Variants in RUSF1 observed in about 807,000 individuals in gnomAD.
RUSF1 encodes RUS1 family protein C16orf58.
In RUSF1, 58 loss-of-function variants were observed where a neutral mutation model predicts 63.0. That is an observed-to-expected ratio of 0.92 (90% CI 0.75 to 1.15). RUSF1 has a LOEUF of 1.15. Among genes scored for constraint, RUSF1 ranks in the 50% most tolerant of loss-of-function variants. RUSF1 has a pLI of 0.00. For missense variants in RUSF1, 652 were observed against 611.0 expected, an observed-to-expected ratio of 1.07 and a Z score of -0.71; for synonymous variants, 274 against 255.8, an observed-to-expected ratio of 1.07 and a Z score of -0.68.
In RUSF1 at chr16:31,497,033, GC is replaced by G. The variant is rs1458735113; in HGVS notation, c.601-84del. 3.5e-6 allele frequency: 4 copies of G among 1,155,290 alleles called. No individual in the cohort carries two copies. In the Admixed American group the frequency reaches 8.9e-5, roughly 26 times the overall value. 71.6% of individuals were successfully genotyped at this position (1,155,290 alleles called of 1,614,324 possible). On this transcript the variant is annotated intron_variant, in intron 5 of 12. Transcript: ENST00000327237. ...ACTCAGACCAGCTGGAGAAAACCTG[GC>G]CCCGGCCAAACTCTGAATGCTGTCC... is the stretch of plus-strand genomic sequence containing the variant.
rs1485469475 is a variant in RUSF1, at chr16:31,508,213, C to T, written c.161G>A (p.Gly54Glu). 2 of 1,564,798 alleles carry T rather than the reference C, an allele frequency of 1.3e-6. No homozygotes were observed. The highest frequency in any genetic ancestry group is 1.4e-5 in the African/African-American group (1 of 73,526). Residue 54 changes from glycine (G) to glutamate (E), a missense_variant, in exon 1 of 13, where the codon GGA becomes GAA. By Grantham distance (98) the Gly-to-Glu change is moderately conservative. Coordinates refer to ENST00000327237, the MANE Select transcript of RUSF1 (RefSeq NM_022744.4). Reference sequence around the variant, plus strand: ...AGCCCCCACTTCGCCCGCATCTCGTCCTTCAGGTTTGACCGTGAAGGCCCT... The same window carrying T: ...AGCCCCCACTTCGCCCGCATCTCGTTCTTCAGGTTTGACCGTGAAGGCCCT... ...LSRAFTVKPE[G>E]RDAGEVGASG...
At chr16:31,507,900 G>A in intron 1 of RUSF1, 22 bp from the exon 2 acceptor site, 2 of 1,550,834 alleles carry the variant, frequency 1.3e-6, no homozygotes, top group South Asian at 1.2e-5. Flanking sequence ...AACAAGTAGG[G>A]TGAGAAGCGG....
At chr16:31,494,724 T>C (rs564468059) in intron 6 of RUSF1, among the ~76,000 whole-genome samples, 1 of 152,068 alleles carries the variant, frequency 6.6e-6, no homozygotes, top group South Asian at 2.1e-4. Flanking sequence ...TTTTTTTTTT[T>C]TTAAAGAGCG....
chr16:31,500,791 G>GC, intron 2 of RUSF1, 60 bp from the exon 3 acceptor site: 1 of 1,549,242 alleles, frequency 6.5e-7, no homozygotes, highest in Admixed American at 1.8e-5. Context: ...GTGGGGCCTG[G>GC]CAGACCCTGG....
intron 1 of RUSF1, 21 bp downstream of exon 1, chr16:31,508,053 G>A (rs764917033): frequency 1.3e-6 from 2 of 1,590,592 alleles, no homozygotes; most frequent in Non-Finnish European, 1.7e-6. Context: ...ACTGTCCTCT[G>A]CCCCAGACGA....
In RUSF1 at chr16:31,492,219, C is replaced by A; in HGVS notation, c.1209G>T (p.Glu403Asp). 1 of 1,611,272 alleles carries A rather than the reference C, an allele frequency of 6.2e-7. No homozygotes were observed. Among genetic ancestry groups the A allele is most frequent in the Admixed American group, 1.7e-5 (1 of 59,714 alleles). Residue 403 changes from glutamate to aspartate, a missense_variant, in exon 11 of 13, where the codon GAG becomes GAT. Transcript: ENST00000327237. ...GDGPLPAELE[E>D]LRNRVRAGPK... ...TACCTGCCCGCACCCGGTTCCTCAG[C>A]TCCTCCAGCTCTGCTGGAAGGGGTC...
rs775391662 is a variant in RUSF1 at position 31,493,064 on chromosome 16, C to G, written c.1017-16G>C. ...CTCAAAGACACTGTGGGGGAGAGGA[C>G]AGTGCAGTGGGGGTGGAGGACAGCA... On this transcript the variant is annotated splice_polypyrimidine_tract_variant and intron_variant, in intron 9 of 12. Coordinates refer to ENST00000327237, the MANE Select transcript of RUSF1 (RefSeq NM_022744.4). 1 of 1,613,068 alleles carries G rather than the reference C, an allele frequency of 6.2e-7. No homozygotes were observed.
chr16:31,492,367 A>T (rs765301117), intron 10 of RUSF1, 27 bp from the exon 11 acceptor site: 10 of 1,519,246 alleles, frequency 6.6e-6, no homozygotes, highest in Non-Finnish European at 8.8e-6. Flanking sequence ...ACAGACTGGT[A>T]TCAGGGAAGG....
rs556496305 is a variant in RUSF1, at chr16:31,495,292, A to G, written c.703-1356T>C. Among the ~76,000 whole-genome samples, 3 of 152,204 alleles carry G rather than the reference A, an allele frequency of 2.0e-5. No individual in the cohort carries two copies. In the South Asian group the frequency reaches 6.2e-4, roughly 32 times the overall value. On this transcript the variant is annotated intron_variant, in intron 6 of 12. Transcript: ENST00000327237. ...ACCCGAGACTGGAGAGCTCTTCTCA[A>G]CCAGCCCTCCTGGGAAGGGCATATG...
intron 8 of RUSF1, 37 bp from the exon 9 acceptor site, chr16:31,493,561 G>A: frequency 2.5e-6 from 4 of 1,614,180 alleles, no homozygotes; most frequent in Non-Finnish European, 3.4e-6. Context: ...TAGGCAGTGG[G>A]AGAGGTTGAG....
rs541803174 is a variant in RUSF1 at position 31,495,988 on chromosome 16, A to G, written c.702+861T>C. ...CAGTTTCTAAATTGCTTCAGTGTCAAAGAAAACCATCTCACACTTCTGGGA... is the reference window on the plus strand; with the variant it reads ...CAGTTTCTAAATTGCTTCAGTGTCAGAGAAAACCATCTCACACTTCTGGGA... On this transcript the variant is annotated intron_variant, in intron 6 of 12. Coordinates refer to ENST00000327237, the MANE Select transcript of RUSF1 (RefSeq NM_022744.4). Among the ~76,000 whole-genome samples, 201 of 152,220 alleles carry G rather than the reference A, an allele frequency of 1.3e-3. 5 individuals are homozygous for G. Among genetic ancestry groups the G allele is most frequent in the Non-Finnish European group, 2.8e-4 (19 of 68,042 alleles).
At chr16:31,493,413 G>C (rs2082584312) in intron 9 of RUSF1, 54 bp downstream of exon 9, 1 of 1,545,806 alleles carries the variant, frequency 6.5e-7, no homozygotes, top group African/African-American at 1.4e-5. Context: ...TGTAATCGGA[G>C]TGAGGGGAGT....
intron 3 of RUSF1, 128 bp from the exon 4 acceptor site, chr16:31,499,653 C>G: frequency 1.2e-6 from 1 of 844,824 alleles, no homozygotes; most frequent in Admixed American, 3.0e-5. Context: ...AGACAGACAT[C>G]TGTCCCCACA....
At chr16:31,492,404 A>C in intron 10 of RUSF1, 64 bp from the exon 11 acceptor site, 1 of 1,469,738 alleles carries the variant, frequency 6.8e-7, no homozygotes, top group Non-Finnish European at 9.0e-7. Context: ...CTTCTATCCC[A>C]TCACCCTGCT....
chr16:31,507,129 G>A (rs967347930), intron 2 of RUSF1, among the ~76,000 whole-genome samples: 9 of 152,240 alleles, frequency 5.9e-5, no homozygotes, highest in African/African-American at 1.7e-4. Flanking sequence ...CCTGCGAGCA[G>A]TAGTGAAAGA....
intron 2 of RUSF1, among the ~76,000 whole-genome samples, chr16:31,505,442 CTT>C (rs2082653966): frequency 6.6e-6 from 1 of 152,124 alleles, no homozygotes; most frequent in Non-Finnish European, 1.5e-5. Context: ...GCCCACTGTT[CTT>C]TCTCTATACT....
chr16:31,493,565 G>A (rs1272129961), intron 8 of RUSF1, 38 bp downstream of exon 8: 6 of 1,614,182 alleles, frequency 3.7e-6, no homozygotes, highest in East Asian at 2.2e-5. Context: ...CAGTGGGAGA[G>A]GTTGAGACAC....
chr16:31,501,450 T>C (rs940143177), intron 2 of RUSF1, among the ~76,000 whole-genome samples: 1 of 151,828 alleles, frequency 6.6e-6, no homozygotes, highest in Admixed American at 6.6e-5. Context: ...GGAAAGAAAT[T>C]AGCCAGGCAT....
chr16:31,497,355 C>T (rs540571149), intron 5 of RUSF1, among the ~76,000 whole-genome samples: 14 of 152,214 alleles, frequency 9.2e-5, no homozygotes, highest in Non-Finnish European at 1.8e-4. Flanking sequence ...TTAAAGCTGT[C>T]GAAACCTACA....
Sources: gnomAD v4.1 joint callset for allele counts (sites outside exome capture counted in the v4.1 genomes callset) on GRCh38, gnomAD v4.1.1 for gene constraint, MANE v1.5 for transcripts, NCBI Gene and HGNC (gene_info 2026-07-23, HGNC 2026-07-21) for gene names.